The following CHSY1 variants were observed in gnomAD, a reference collection of about 807,000 sequenced individuals.
CHSY1 encodes the protein chondroitin sulfate synthase 1, also known as N-acetylgalactosaminyl-proteoglycan 3-beta-glucuronosyltransferase 1.
CHSY1 carries 13 observed loss-of-function variants against 59.8 expected under a neutral mutation model. The observed-to-expected ratio is 0.22, with a 90% CI of 0.14 to 0.35. CHSY1 has a LOEUF of 0.35. CHSY1 is among the 10% of genes least tolerant of loss of function. The pLI, the probability that CHSY1 is intolerant of heterozygous loss-of-function variation, is 1.00. For synonymous variants in CHSY1, 459 were observed against 401.2 expected, an observed-to-expected ratio of 1.14 and a Z score of -1.72; for missense variants, 947 against 1,030.6, an observed-to-expected ratio of 0.92 and a Z score of 1.11.
At chr15:101,222,784 T>C (rs2038802887) in intron 2 of CHSY1, among the ~76,000 whole-genome samples, 1 of 151,842 alleles carries the variant, frequency 6.6e-6, no homozygotes, top group Non-Finnish European at 1.5e-5. Flanking sequence ...CATGCCATCA[T>C]GGTGGGGGGG....
At chr15:101,211,128 A>C (rs2038678061) in intron 2 of CHSY1, among the ~76,000 whole-genome samples, 1 of 152,216 alleles carries the variant, frequency 6.6e-6, no homozygotes, top group African/African-American at 2.4e-5. Context: ...GTTCATGACC[A>C]GCCTGGCCAA....
intron 2 of CHSY1, among the ~76,000 whole-genome samples, chr15:101,227,085 T>C (rs12148369): frequency 0.1 from 15,185 of 152,254 alleles, 1,027 homozygotes; most frequent in Middle Eastern, 0.18. Flanking sequence ...CCAGACAGTA[T>C]TTATGCAAGA....
chr15:101,227,439 A>G (rs763474410), intron 2 of CHSY1, among the ~76,000 whole-genome samples: 2 of 152,216 alleles, frequency 1.3e-5, no homozygotes, highest in Non-Finnish European at 2.9e-5. Context: ...GCACTGCCCA[A>G]GGGGATGGCT....
chr15:101,183,829 T>C (rs941278237), intron 2 of CHSY1, among the ~76,000 whole-genome samples: 2 of 152,152 alleles, frequency 1.3e-5, no homozygotes, highest in African/African-American at 4.8e-5. Context: ...TATGGAGAAA[T>C]TGTTGAATGA....
At chr15:101,249,508 G>T (rs936397686) in intron 1 of CHSY1, among the ~76,000 whole-genome samples, 5 of 114,004 alleles carry the variant, frequency 4.4e-5, no homozygotes, top group Non-Finnish European at 8.4e-5. Flanking sequence ...TCGATAGATA[G>T]AATTTTTTTT....
At chr15:101,224,717 A>G (rs185372609) in intron 2 of CHSY1, among the ~76,000 whole-genome samples, 22 of 152,238 alleles carry the variant, frequency 1.4e-4, no homozygotes, top group Admixed American at 2.6e-4. Flanking sequence ...ACGTCCACAC[A>G]CACGCTTACA....
intron 2 of CHSY1, chr15:101,189,472 A>T: frequency 1.0e-6 from 1 of 985,552 alleles, no homozygotes. Context: ...GCTCGGGGGG[A>T]CCAGGACGTG....
At chr15:101,181,674 T>C (rs558392141) in intron 2 of CHSY1, among the ~76,000 whole-genome samples, 8 of 152,312 alleles carry the variant, frequency 5.3e-5, no homozygotes, top group African/African-American at 1.7e-4. Flanking sequence ...TTCAAGACAG[T>C]AGCACAGAGG....
chr15:101,190,912 A>G (rs1457440670), intron 2 of CHSY1, among the ~76,000 whole-genome samples: 3 of 152,158 alleles, frequency 2.0e-5, no homozygotes, highest in East Asian at 1.9e-4. Flanking sequence ...GGCCGAGAGG[A>G]GCGACGCGAA....
intron 2 of CHSY1, among the ~76,000 whole-genome samples, chr15:101,230,253 T>C (rs967430782): frequency 1.2e-4 from 18 of 152,154 alleles, no homozygotes; most frequent in African/African-American, 3.6e-4. Context: ...TGATAATGGA[T>C]AGAACATGCA....
intron 2 of CHSY1, among the ~76,000 whole-genome samples, 188 bp downstream of exon 2, chr15:101,234,894 G>A (rs1051022250): frequency 2.6e-5 from 4 of 151,416 alleles, no homozygotes; most frequent in African/African-American, 7.3e-5. Context: ...GAAGATATGC[G>A]CTCAAAGCCA....
chr15:101,186,566 G>A (rs981625034), intron 2 of CHSY1: 4 of 152,142 alleles, frequency 2.6e-5, no homozygotes, highest in Non-Finnish European at 5.9e-5. Flanking sequence ...CACTTTGTGG[G>A]GCTGAGGCGG....
At chr15:101,181,485 T>C (rs1375733900) in intron 2 of CHSY1, among the ~76,000 whole-genome samples, 2 of 152,268 alleles carry the variant, frequency 1.3e-5, no homozygotes, top group Non-Finnish European at 2.9e-5. Flanking sequence ...AGCTGTCTTC[T>C]ACAGTGAGGT....
chr15:101,188,790 A>G (rs1178480127), intron 2 of CHSY1, among the ~76,000 whole-genome samples: 1 of 152,236 alleles, frequency 6.6e-6, no homozygotes, highest in Non-Finnish European at 1.5e-5. Context: ...CTGAAACAAT[A>G]TATTTTGCAA....
At chr15:101,179,518 T>C (rs1372970289) in intron 2 of CHSY1, among the ~76,000 whole-genome samples, 1 of 152,216 alleles carries the variant, frequency 6.6e-6, no homozygotes, top group African/African-American at 2.4e-5. Context: ...GGCCTGGCCC[T>C]GCGAGGATGC....
At chr15:101,221,064 G>T (rs1013234784) in intron 2 of CHSY1, among the ~76,000 whole-genome samples, 3 of 152,030 alleles carry the variant, frequency 2.0e-5, no homozygotes, top group Non-Finnish European at 4.4e-5. Context: ...TTATTTATTT[G>T]TCTCCTTATT....
At chr15:101,188,402 A>C (rs896586379) in intron 2 of CHSY1, among the ~76,000 whole-genome samples, 6 of 152,164 alleles carry the variant, frequency 3.9e-5, no homozygotes, top group Non-Finnish European at 5.9e-5. Flanking sequence ...GTTAATAATC[A>C]GGCCGAGACC....
intron 2 of CHSY1, among the ~76,000 whole-genome samples, chr15:101,220,348 G>A (rs1373056744): frequency 2.6e-5 from 4 of 151,990 alleles, no homozygotes; most frequent in African/African-American, 7.3e-5. Context: ...CCATCAATAT[G>A]CTGCAGATGG....
In CHSY1 at chr15:101,176,408, G is replaced by GT. The variant is rs2038188998; in HGVS notation, c.*979dup. 2 of 398,418 alleles carry GT rather than the reference G, an allele frequency of 5.0e-6. No homozygotes were observed. The highest frequency in any genetic ancestry group is 8.8e-6 in the Non-Finnish European group (2 of 226,052). 24.7% of individuals were successfully genotyped at this position (398,418 alleles called of 1,614,324 possible). ...TCAGTCTGTGTACATCAGATTTATT[G>GT]TAATAATTCATCTTTGTCATTCTAA... On this transcript the variant is annotated 3_prime_UTR_variant, in exon 3 of 3. Coordinates refer to ENST00000254190, the MANE Select transcript of CHSY1 (RefSeq NM_014918.5).
Sources: allele counts gnomAD v4.1 joint callset (sites outside exome capture counted in the v4.1 genomes callset), GRCh38; gene constraint gnomAD v4.1.1; transcripts MANE v1.5; gene names NCBI Gene and HGNC (gene_info 2026-07-23, HGNC 2026-07-21).